The following SDK1 variants were observed in gnomAD, a reference collection of about 807,000 sequenced individuals.
The protein encoded by SDK1 is sidekick cell adhesion molecule 1.
Under a neutral mutation model 245.5 loss-of-function variants are expected in SDK1, and 157 were observed. The observed-to-expected ratio is 0.64, with a 90% CI of 0.56 to 0.73. The LOEUF is 0.73. Ranked by LOEUF, SDK1 falls within the 30% of genes least tolerant of loss-of-function variation. SDK1 has a pLI of 0.00. For missense variants in SDK1, 3,583 were observed against 3,002.3 expected (o/e 1.19, Z -4.52); for synonymous variants, 1,647 against 1,278.5 (o/e 1.29, Z -6.15).
At chr7:3,346,232 C>T (rs1318485098) in intron 1 of SDK1, among the ~76,000 whole-genome samples, 10 of 152,020 alleles carry the variant, frequency 6.6e-5, no homozygotes, top group African/African-American at 1.7e-4. Context: ...TGGGCACCAG[C>T]GAGAAGAGGA....
chr7:4,205,114 G>A (rs1280168210), intron 35 of SDK1, among the ~76,000 whole-genome samples: 1 of 151,732 alleles, frequency 6.6e-6, no homozygotes, highest in Non-Finnish European at 1.5e-5. Context: ...CAGGGGGAGC[G>A]AGGGGGCTGG....
intron 36 of SDK1, among the ~76,000 whole-genome samples, chr7:4,207,204 C>A (rs1355478713): frequency 1.3e-5 from 2 of 152,208 alleles, no homozygotes; most frequent in Non-Finnish European, 2.9e-5. Context: ...GCGTGCCAGC[C>A]CTGGGGCGCT....
intron 4 of SDK1, among the ~76,000 whole-genome samples, chr7:3,770,530 C>T (rs1157480104): frequency 1.3e-5 from 2 of 152,208 alleles, no homozygotes; most frequent in African/African-American, 4.8e-5. Context: ...TGTAAAATTG[C>T]TTTCCAGAGT....
chr7:3,642,687 T>G (rs1183445314), intron 4 of SDK1: 1 of 152,276 alleles, frequency 6.6e-6, no homozygotes, highest in Non-Finnish European at 1.5e-5. Flanking sequence ...AATGCTTATC[T>G]CACATTCAAG....
At chr7:3,801,657 T>G (rs1041189915) in intron 4 of SDK1, among the ~76,000 whole-genome samples, 3 of 152,184 alleles carry the variant, frequency 2.0e-5, no homozygotes, top group Admixed American at 2.0e-4. Flanking sequence ...GAGCAAGGCC[T>G]GGTGAGTTCT....
At chr7:3,959,715 G>A (rs1262603775) in intron 8 of SDK1, among the ~76,000 whole-genome samples, 2 of 152,122 alleles carry the variant, frequency 1.3e-5, no homozygotes, top group Non-Finnish European at 2.9e-5. Flanking sequence ...AGTGGCCTCC[G>A]GTGCCATCCA....
intron 1 of SDK1, among the ~76,000 whole-genome samples, chr7:3,481,719 G>T (rs1781529191): frequency 1.3e-5 from 2 of 152,286 alleles, no homozygotes; most frequent in Admixed American, 6.5e-5. Flanking sequence ...TCTAGTTTCT[G>T]CTTCCCTGCT....
At chr7:4,191,415 C>A (rs1018806751) in intron 35 of SDK1, among the ~76,000 whole-genome samples, 2 of 152,240 alleles carry the variant, frequency 1.3e-5, no homozygotes, top group Non-Finnish European at 2.9e-5. Flanking sequence ...GAGCATCGCG[C>A]GGTGCCCGCT....
chr7:3,392,266 G>A lies in SDK1; in HGVS notation c.298+90382G>A, dbSNP rs1431403338. 2.0e-5 allele frequency among the ~76,000 whole-genome samples: 3 copies of A among 152,056 alleles called. No individual in the cohort carries two copies. In the East Asian group the frequency reaches 5.8e-4, roughly 29 times the overall value. The stretch of plus-strand genomic sequence containing the variant: ...TTGTGACCAATGATTTCTTAGAAAT[G>A]TATCATTATTAACTTATGAGACTTT... On this transcript the variant is annotated intron_variant, in intron 1 of 44. Transcript: ENST00000404826.
chr7:3,989,968 G>T (rs962374782), intron 14 of SDK1, among the ~76,000 whole-genome samples: 1 of 152,204 alleles, frequency 6.6e-6, no homozygotes, highest in African/African-American at 2.4e-5. Context: ...TCCCTGTGCT[G>T]TCTGACTCCA....
At chr7:3,675,673 A>G (rs1783870341) in intron 4 of SDK1, among the ~76,000 whole-genome samples, 1 of 152,084 alleles carries the variant, frequency 6.6e-6, no homozygotes, top group Admixed American at 6.6e-5. Context: ...TCCCGGTCTC[A>G]AGCCATCCAC....
Position 4,130,007 on chromosome 7 carries a change from G to A in SDK1, c.4039G>A (p.Val1347Met), listed in dbSNP as rs898481545. 1.2e-5 allele frequency: 19 copies of A among 1,613,482 alleles called. No individual in the cohort carries two copies. Among genetic ancestry groups the A allele is most frequent in the Middle Eastern group, 1.6e-4 (1 of 6,076 alleles). The change falls in exon 27 of 45, where the codon GTG becomes ATG. Residue 1347 changes from valine to methionine, a missense_variant. Transcript: ENST00000404826. ...CCTGCTGGCAGGCCTGCGCAAGTTC[G>A]TGCTCTACGAGCTCCAGGTGCTGGC... is the stretch of plus-strand genomic sequence containing the variant. ...SALLAGLRKF[V>M]LYELQVLAFT... is the part of the protein sequence containing the mutation.
rs1029180796 is a variant in SDK1 at position 3,310,573 on chromosome 7, G to C, written c.298+8689G>C. Among the ~76,000 whole-genome samples the C allele has an allele frequency of 2.6e-5, 4 of 152,126 alleles. No individual in the cohort carries two copies. In the East Asian group the frequency reaches 7.7e-4, roughly 29 times the overall value. ...AGGTTTCTGGCTTGCATGACTAGTT[G>C]GCTAGTATAACCATTCACTGAGGTT... On this transcript the variant is annotated intron_variant, in intron 1 of 44. Transcript: ENST00000404826.
At chr7:3,581,378 C>G (rs892159052) in intron 1 of SDK1, among the ~76,000 whole-genome samples, 1 of 152,122 alleles carries the variant, frequency 6.6e-6, no homozygotes, top group Non-Finnish European at 1.5e-5. Flanking sequence ...ACATATGCAG[C>G]CAACAAGCAT....
chr7:3,736,590 A>G (rs1185071658), intron 4 of SDK1, among the ~76,000 whole-genome samples: 1 of 152,082 alleles, frequency 6.6e-6, no homozygotes, highest in African/African-American at 2.4e-5. Flanking sequence ...GGTTCTTTTT[A>G]GCTGCTATCC....
At chr7:3,561,227 C>T (rs1011317275) in intron 1 of SDK1, among the ~76,000 whole-genome samples, 4 of 152,156 alleles carry the variant, frequency 2.6e-5, no homozygotes, top group Non-Finnish European at 4.4e-5. Flanking sequence ...TTTTTACTCT[C>T]CTTGTTTTTC....
chr7:3,897,616 G>A (rs542483560), intron 5 of SDK1, among the ~76,000 whole-genome samples: 3 of 152,214 alleles, frequency 2.0e-5, no homozygotes, highest in Admixed American at 6.5e-5. Context: ...CACTTGGGCT[G>A]CTCCCCCTTG....
chr7:4,075,104 A>G (rs1004704722), intron 20 of SDK1, among the ~76,000 whole-genome samples: 2 of 151,378 alleles, frequency 1.3e-5, no homozygotes, highest in Non-Finnish European at 2.9e-5. Flanking sequence ...GGGCCCAGGC[A>G]GAGACCCCAA....
Position 4,051,623 on chromosome 7 carries a change from C to G in SDK1, c.2719-15C>G. ...ATTGAAAACAGGCTGTCTTTTTCACCCTGTTCCATCTCAGCTTCTGGCATG... is the reference window on the plus strand; with the variant it reads ...ATTGAAAACAGGCTGTCTTTTTCACGCTGTTCCATCTCAGCTTCTGGCATG... On this transcript the variant is annotated splice_polypyrimidine_tract_variant and intron_variant, in intron 18 of 44. Coordinates refer to ENST00000404826, the MANE Select transcript of SDK1 (RefSeq NM_152744.4). The G allele has an allele frequency of 1.2e-6, 2 of 1,604,866 alleles. No homozygotes were observed. The highest frequency in any genetic ancestry group is 1.7e-6 in the Non-Finnish European group (2 of 1,176,234).
Sources: allele counts gnomAD v4.1 joint callset (sites outside exome capture counted in the v4.1 genomes callset), GRCh38; gene constraint gnomAD v4.1.1; transcripts MANE v1.5; gene names NCBI Gene and HGNC (gene_info 2026-07-23, HGNC 2026-07-21).